NOVA1: variants seen among roughly 807,000 people sequenced by gnomAD.
The protein encoded by NOVA1 is RNA-binding protein Nova-1.
NOVA1 carries 7 observed loss-of-function variants against 38.0 expected under a neutral mutation model. The ratio of observed to expected loss-of-function variants is 0.18; its 90% CI spans 0.10 to 0.35. NOVA1 has a LOEUF of 0.35. Among genes scored for constraint, NOVA1 ranks in the 10% least tolerant of loss-of-function variants. NOVA1 has a pLI of 1.00. For synonymous variants in NOVA1, 270 were observed against 232.5 expected, an observed-to-expected ratio of 1.16 and a Z score of -1.47; for missense variants, 460 against 616.0, an observed-to-expected ratio of 0.75 and a Z score of 2.68.
In NOVA1 at chr14:26,446,580, A is replaced by T. The variant is rs1425310652; in HGVS notation, c.*1379T>A. 1 of 152,734 alleles carries T rather than the reference A, an allele frequency of 6.5e-6. No individual in the cohort carries two copies. Among genetic ancestry groups the T allele is most frequent in the African/African-American group, 2.4e-5 (1 of 41,460 alleles). 9.5% of individuals were successfully genotyped at this position (152,734 alleles called of 1,614,324 possible). A position where few individuals can be genotyped will look rare whatever the true frequency, so the allele number is the denominator to read the frequency against. On this transcript the variant is annotated 3_prime_UTR_variant, in exon 5 of 5. Coordinates refer to ENST00000539517, the MANE Select transcript of NOVA1 (RefSeq NM_002515.3). The stretch of plus-strand genomic sequence containing the variant: ...CCATTGAATTTAAGACTGCATGCAC[A>T]GCATGAGGAGGTGCTTGGGGATGGA...
At chr14:26,477,319 A>C (rs1351424779) in intron 3 of NOVA1, among the ~76,000 whole-genome samples, 1 of 152,140 alleles carries the variant, frequency 6.6e-6, no homozygotes, top group Non-Finnish European at 1.5e-5. Flanking sequence ...ATACAAGAGA[A>C]TTCTTTAAAT....
chr14:26,517,592 T>G (rs1888565335), intron 2 of NOVA1, among the ~76,000 whole-genome samples: 2 of 152,340 alleles, frequency 1.3e-5, no homozygotes, highest in Non-Finnish European at 2.9e-5. Flanking sequence ...ACAAACTATA[T>G]GTTGAGAAGA....
chr14:26,539,093 T>C (rs933949830), intron 2 of NOVA1, among the ~76,000 whole-genome samples: 2 of 152,166 alleles, frequency 1.3e-5, no homozygotes, highest in Non-Finnish European at 2.9e-5. Flanking sequence ...ACATTGTATT[T>C]ATGCCTCTCT....
chr14:26,443,410 C>A lies in NOVA1; in HGVS notation c.*4549G>T, dbSNP rs1274317271. 6.6e-6 allele frequency: 1 copy of A among 151,738 alleles called. No individual in the cohort carries two copies. Among genetic ancestry groups the A allele is most frequent in the Non-Finnish European group, 1.5e-5 (1 of 67,838 alleles). The allele number at this position is 151,738 out of a possible 1,614,324, so 9.4% of individuals were successfully genotyped here. On this transcript the variant is annotated 3_prime_UTR_variant, in exon 5 of 5. Coordinates refer to ENST00000539517, the MANE Select transcript of NOVA1 (RefSeq NM_002515.3). ...TTATTTACAAATCTGATTTGATGTA[C>A]TTTATTATACAAGGTAATGCTTCAA...
At chr14:26,484,130 T>A (rs1276717420) in intron 2 of NOVA1, among the ~76,000 whole-genome samples, 2 of 151,878 alleles carry the variant, frequency 1.3e-5, no homozygotes, top group Admixed American at 6.6e-5. Context: ...TTGATATAGA[T>A]GAAGGGTATA....
chr14:26,484,428 GAAAAAAA>G (rs869087238), intron 2 of NOVA1, among the ~76,000 whole-genome samples: 1 of 56,434 alleles, frequency 1.8e-5, no homozygotes, highest in African/African-American at 7.5e-5. Flanking sequence ...ACTCCGTCTC[GAAAAAAA>G]AAAAAAAAAA....
chr14:26,490,034 TC>T (rs1026857364), intron 2 of NOVA1, among the ~76,000 whole-genome samples: 3 of 152,234 alleles, frequency 2.0e-5, no homozygotes, highest in African/African-American at 7.2e-5. Context: ...CCTTCCTATA[TC>T]CCCCAGTTAC....
At chr14:26,572,101 T>C (rs931488520) in intron 2 of NOVA1, among the ~76,000 whole-genome samples, 3 of 152,306 alleles carry the variant, frequency 2.0e-5, no homozygotes, top group Non-Finnish European at 2.9e-5. Flanking sequence ...TCAAAATGAA[T>C]GGGATGTTAT....
chr14:26,510,112 ACTC>A, intron 2 of NOVA1, among the ~76,000 whole-genome samples: 1 of 31,594 alleles, frequency 3.2e-5, no homozygotes, highest in Non-Finnish European at 2.4e-4. Context: ...CTTCAGAAAT[ACTC>A]ACTGAAAGAA....
chr14:26,511,723 G>C (rs1295181540), intron 2 of NOVA1, among the ~76,000 whole-genome samples: 1 of 151,860 alleles, frequency 6.6e-6, no homozygotes, highest in Non-Finnish European at 1.5e-5. Context: ...CTGCACTCCA[G>C]CCTGGTGACA....
intron 2 of NOVA1, among the ~76,000 whole-genome samples, chr14:26,520,283 G>A (rs1888772783): frequency 6.6e-6 from 1 of 152,142 alleles, no homozygotes. Flanking sequence ...ACCCATATAT[G>A]GAGGGCCAGC....
At chr14:26,497,347 A>G (rs902491992) in intron 2 of NOVA1, among the ~76,000 whole-genome samples, 5 of 152,356 alleles carry the variant, frequency 3.3e-5, no homozygotes, top group African/African-American at 1.2e-4. Context: ...GGAAGAATCA[A>G]TATCATGAAA....
intron 2 of NOVA1, among the ~76,000 whole-genome samples, chr14:26,503,200 T>C (rs561981032): frequency 6.6e-6 from 1 of 152,142 alleles, no homozygotes; most frequent in South Asian, 2.1e-4. Context: ...TTCCTTAATA[T>C]ATGAAATGTT....
At chr14:26,451,996 T>C (rs926756319) in intron 4 of NOVA1, among the ~76,000 whole-genome samples, 1 of 152,326 alleles carries the variant, frequency 6.6e-6, no homozygotes, top group South Asian at 2.1e-4. Context: ...GTAATTATAA[T>C]ATATAGCATT....
At chr14:26,533,846 G>A (rs1182239579) in intron 2 of NOVA1, among the ~76,000 whole-genome samples, 2 of 151,972 alleles carry the variant, frequency 1.3e-5, no homozygotes, top group Non-Finnish European at 2.9e-5. Context: ...TTGATAGAGT[G>A]GACAACTCTC....
intron 2 of NOVA1, among the ~76,000 whole-genome samples, chr14:26,489,932 T>G (rs1241401525): frequency 1.3e-5 from 2 of 152,206 alleles, no homozygotes; most frequent in African/African-American, 4.8e-5. Context: ...TAAATTCAAA[T>G]GTTGTACATA....
chr14:26,500,280 T>C (rs1887153138), intron 2 of NOVA1, among the ~76,000 whole-genome samples: 1 of 152,094 alleles, frequency 6.6e-6, no homozygotes, highest in South Asian at 2.1e-4. Context: ...TGTGCATATG[T>C]GTCAAATACT....
intron 2 of NOVA1, among the ~76,000 whole-genome samples, chr14:26,543,972 T>C (rs562194321): frequency 2.6e-5 from 4 of 151,952 alleles, no homozygotes; most frequent in Non-Finnish European, 4.4e-5. Context: ...CGTGATGCAC[T>C]CAGAATTTAG....
intron 4 of NOVA1, among the ~76,000 whole-genome samples, chr14:26,460,501 G>T (rs1176413298): frequency 6.6e-6 from 1 of 151,696 alleles, no homozygotes; most frequent in Non-Finnish European, 1.5e-5. Flanking sequence ...GTAATAAAAA[G>T]GAACGTTTTC....
Sources: gnomAD v4.1 joint callset for allele counts (sites outside exome capture counted in the v4.1 genomes callset) on GRCh38, gnomAD v4.1.1 for gene constraint, MANE v1.5 for transcripts, NCBI Gene and HGNC (gene_info 2026-07-23, HGNC 2026-07-21) for gene names.